Variants in ENTPD5 observed in about 807,000 individuals in gnomAD.
ENTPD5 encodes the protein nucleoside diphosphate phosphatase ENTPD5.
ENTPD5 carries 49 observed loss-of-function variants against 60.2 expected under a neutral mutation model. The ratio of observed to expected loss-of-function variants is 0.81; its 90% CI spans 0.65 to 1.03. The LOEUF is 1.03. Among genes scored for constraint, ENTPD5 ranks in the 50% least tolerant of loss-of-function variants. ENTPD5 has a pLI of 0.00. For synonymous variants in ENTPD5, 187 were observed against 185.4 expected, an observed-to-expected ratio of 1.01 and a Z score of -0.07; for missense variants, 480 against 507.6, an observed-to-expected ratio of 0.95 and a Z score of 0.52.
chr14:73,978,390 G>C (rs1233563201), intron 6 of ENTPD5, among the ~76,000 whole-genome samples: 2 of 151,868 alleles, frequency 1.3e-5, no homozygotes, highest in Non-Finnish European at 2.9e-5. Context: ...GATCACCTGA[G>C]GTCAGGAGTT....
In ENTPD5 at chr14:73,965,979, T is replaced by C. The variant is rs2056957319; in HGVS notation, c.*949A>G. Reference sequence around the variant, plus strand: ...ATCAGGGACCAGGACAGGAAGGTACTGTTACAAACGGAGAGAATAAAAGGG... The same window carrying C: ...ATCAGGGACCAGGACAGGAAGGTACCGTTACAAACGGAGAGAATAAAAGGG... On this transcript the variant is annotated 3_prime_UTR_variant, in exon 16 of 16. Transcript: ENST00000334696. The C allele has an allele frequency of 6.6e-6, 1 of 152,248 alleles. No individual in the cohort carries two copies. Among genetic ancestry groups the C allele is most frequent in the South Asian group, 2.1e-4 (1 of 4,830 alleles). The allele number at this position is 152,248 out of a possible 1,614,324, so 9.4% of individuals were successfully genotyped here.
chr14:73,994,143 T>G (rs1340417293), intron 3 of ENTPD5, among the ~76,000 whole-genome samples: 1 of 152,050 alleles, frequency 6.6e-6, no homozygotes, highest in African/African-American at 2.4e-5. Context: ...TTATTTATTT[T>G]GAGATGGAGT....
chr14:73,987,930 G>A lies in ENTPD5; in HGVS notation c.173C>T (p.Thr58Ile), dbSNP rs2057970576. The A allele has an allele frequency of 6.2e-7, 1 of 1,614,082 alleles. No homozygotes were observed. Among genetic ancestry groups the A allele is most frequent in the Admixed American group, 1.7e-5 (1 of 59,990 alleles). Reference sequence around the variant, plus strand: ...GGTGTAAACATGAATTCGAGTTCCAGTGCTCCCTGCATCAAACATAATTCC... The same window carrying A: ...GGTGTAAACATGAATTCGAGTTCCAATGCTCCCTGCATCAAACATAATTCC... ...LYGIMFDAGS[T>I]GTRIHVYTFV... Residue 58 changes from threonine to isoleucine, a missense_variant, in exon 4 of 16, where the codon ACT becomes ATT. By Grantham distance (89) the Thr-to-Ile change is moderately conservative (BLOSUM62 -1). Coordinates refer to ENST00000334696, the MANE Select transcript of ENTPD5 (RefSeq NM_001249.5).
intron 3 of ENTPD5, chr14:74,007,910 A>C (rs1212897418): frequency 6.8e-6 from 1 of 146,032 alleles, no homozygotes; most frequent in Non-Finnish European, 1.5e-5. Flanking sequence ...GGCTCACTGC[A>C]ACCTGCACCT....
chr14:73,955,683 C>T (rs75531541), downstream of ENTPD5: 46,419 of 1,496,460 alleles, frequency 0.031, 922 homozygotes, highest in Non-Finnish European at 0.036. Flanking sequence ...TTTATATTTT[C>T]CTACCAGAGA....
chr14:73,981,285 G>A (rs117382186), intron 6 of ENTPD5, among the ~76,000 whole-genome samples: 2,933 of 152,012 alleles, frequency 0.019, 50 homozygotes, highest in South Asian at 0.036. Context: ...TGGAGTTTGA[G>A]GCCAGGAGTT....
At chr14:74,000,195 G>A (rs574666728) in intron 3 of ENTPD5, among the ~76,000 whole-genome samples, 196 of 150,668 alleles carry the variant, frequency 1.3e-3, no homozygotes, top group South Asian at 7.0e-3. Context: ...AGTGGCTCAC[G>A]TCTGTAATCC....
chr14:73,974,009 T>C, intron 11 of ENTPD5, 31 bp from the exon 12 acceptor site: 1 of 1,592,744 alleles, frequency 6.3e-7, no homozygotes, highest in Non-Finnish European at 8.6e-7. Flanking sequence ...AGGTAAGAGG[T>C]AAGTAAGTGA....
At chr14:73,997,256 G>A (rs1332370027) in intron 3 of ENTPD5, among the ~76,000 whole-genome samples, 2 of 152,160 alleles carry the variant, frequency 1.3e-5, no homozygotes, top group African/African-American at 4.8e-5. Context: ...TGGAAGCAGA[G>A]AATCAGATTT....
At chr14:73,970,831 AT>A (rs879357573) in intron 14 of ENTPD5, among the ~76,000 whole-genome samples, 31 of 147,616 alleles carry the variant, frequency 2.1e-4, no homozygotes, top group Admixed American at 6.8e-4. Context: ...CTTTTTATTA[AT>A]TTTTTTTTTT....
At chr14:74,012,487 A>G (rs539339821) in intron 2 of ENTPD5, among the ~76,000 whole-genome samples, 30 of 152,368 alleles carry the variant, frequency 2.0e-4, no homozygotes, top group African/African-American at 6.3e-4. Flanking sequence ...TGTTAAATAA[A>G]TTAACAAATA....
intron 3 of ENTPD5, among the ~76,000 whole-genome samples, chr14:73,992,620 G>A (rs1020760759): frequency 3.3e-5 from 5 of 151,002 alleles, no homozygotes; most frequent in African/African-American, 4.9e-5. Context: ...GGAGGCAAAG[G>A]CTGCAGCAAG....
chr14:73,960,979 C>G, downstream of ENTPD5: 1 of 707,342 alleles, frequency 1.4e-6, no homozygotes, highest in Non-Finnish European at 2.5e-6. Flanking sequence ...TACAGTTTGG[C>G]TAGATCTTAA....
At position 73,988,076 on chromosome 14, in the gene ENTPD5, A is replaced by T. The variant is rs1471145531; in HGVS notation, c.27T>A (p.Phe9Leu). The T allele has an allele frequency of 6.2e-7, 1 of 1,612,512 alleles. No individual in the cohort carries two copies. The highest frequency in any genetic ancestry group is 8.5e-7 in the Non-Finnish European group (1 of 1,179,738). ...AAACACAGGATACCACCAGCATGAA[A>T]AAGACTGTGCCCCAAGAAGTGGCCA... MATSWGTV[F>L]FMLVVSCVCS... is the part of the protein sequence containing the mutation. Residue 9 changes from phenylalanine (F) to leucine (L), a missense_variant, in exon 4 of 16, where the codon TTT becomes TTA. Physicochemically the swap from Phe to Leu is conservative, Grantham distance 22 (BLOSUM62 0). Transcript: ENST00000334696.
chr14:74,014,718 A>G (rs1037440173), intron 2 of ENTPD5, among the ~76,000 whole-genome samples: 1 of 152,214 alleles, frequency 6.6e-6, no homozygotes, highest in Admixed American at 6.6e-5. Context: ...ACTAGTCTTA[A>G]TATCACGAGA....
At chr14:73,957,166 C>G (rs975709285), downstream of ENTPD5, among the ~76,000 whole-genome samples, 1 of 151,360 alleles carries the variant, frequency 6.6e-6, no homozygotes, top group South Asian at 2.1e-4. Context: ...GGCACAGTCT[C>G]GGCTCACTGC....
At chr14:73,996,990 T>C (rs1369700090) in intron 3 of ENTPD5, among the ~76,000 whole-genome samples, 2 of 152,070 alleles carry the variant, frequency 1.3e-5, no homozygotes, top group Non-Finnish European at 2.9e-5. Flanking sequence ...GACTGTAATG[T>C]ACTGTGATAA....
At chr14:73,977,138 C>A in intron 7 of ENTPD5, 79 bp from the exon 8 acceptor site, 1 of 1,236,956 alleles carries the variant, frequency 8.1e-7, no homozygotes. Context: ...TTTTTTTTTT[C>A]CTCTCTAAAT....
intron 2 of ENTPD5, among the ~76,000 whole-genome samples, chr14:74,014,000 G>A (rs941326257): frequency 1.3e-5 from 2 of 151,776 alleles, no homozygotes; most frequent in African/African-American, 2.4e-5. Flanking sequence ...CTCCTACCTC[G>A]GCCTCCCAAA....
Sources: allele counts gnomAD v4.1 joint callset (sites outside exome capture counted in the v4.1 genomes callset), GRCh38; gene constraint gnomAD v4.1.1; transcripts MANE v1.5; gene names NCBI Gene and HGNC (gene_info 2026-07-23, HGNC 2026-07-21).